CFAP61: variants seen among roughly 807,000 people sequenced by gnomAD.
CFAP61 encodes the protein cilia and flagella associated protein 61.
CFAP61 carries 107 observed loss-of-function variants against 135.6 expected under a neutral mutation model. The ratio of observed to expected loss-of-function variants is 0.79; its 90% confidence interval spans 0.67 to 0.93. CFAP61 has a LOEUF of 0.93. Ranked by LOEUF, CFAP61 falls within the 40% of genes least tolerant of loss-of-function variation. The pLI, the probability that CFAP61 is intolerant of heterozygous loss-of-function variation, is 0.00. For missense variants in CFAP61, 1,507 were observed against 1,556.2 expected, an observed-to-expected ratio of 0.97 and a Z score of 0.53; for synonymous variants, 575 against 578.5, an observed-to-expected ratio of 0.99 and a Z score of 0.09.
chr20:20,179,205 A>G (rs959833681), intron 13 of CFAP61, among the ~76,000 whole-genome samples: 3 of 152,192 alleles, frequency 2.0e-5, no homozygotes, highest in Admixed American at 6.5e-5. Flanking sequence ...TCAATGTGCA[A>G]AAATCACTAA....
At chr20:20,066,435 C>T (rs1218017842) in intron 2 of CFAP61, among the ~76,000 whole-genome samples, 1 of 152,114 alleles carries the variant, frequency 6.6e-6, no homozygotes, top group East Asian at 1.9e-4. Flanking sequence ...CCCAAATGTC[C>T]ATCAATAATA....
At chr20:20,097,674 A>G (rs1054396838) in intron 7 of CFAP61, among the ~76,000 whole-genome samples, 3 of 152,210 alleles carry the variant, frequency 2.0e-5, no homozygotes, top group African/African-American at 7.2e-5. Context: ...GACGACTGCA[A>G]GAGCTTCAGA....
At chr20:20,229,378 T>C (rs1406211146) in intron 18 of CFAP61, among the ~76,000 whole-genome samples, 1 of 152,346 alleles carries the variant, frequency 6.6e-6, no homozygotes, top group South Asian at 2.1e-4. Context: ...ACCCTGACTT[T>C]GGGAACCACA....
At chr20:20,277,570 T>C in intron 22 of CFAP61, 112 bp downstream of exon 22, 1 of 1,217,574 alleles carries the variant, frequency 8.2e-7, no homozygotes, top group Non-Finnish European at 1.1e-6. Flanking sequence ...AGATGTTGGA[T>C]TTTGTTTTCT....
chr20:20,254,451 A>G (rs1355278841), intron 20 of CFAP61, among the ~76,000 whole-genome samples: 5 of 152,020 alleles, frequency 3.3e-5, no homozygotes, highest in Admixed American at 3.3e-4. Flanking sequence ...AGCCTCGGGC[A>G]TCTGCCCATG....
At chr20:20,265,524 C>T in intron 21 of CFAP61, 2 of 779,262 alleles carry the variant, frequency 2.6e-6, no homozygotes, top group South Asian at 1.3e-5. Flanking sequence ...AAGACTGACT[C>T]CCAGCAGCCA....
chr20:20,199,762 T>TATA lies in CFAP61; in HGVS notation c.1798-6_1798-5insATA. On this transcript the variant is annotated splice_polypyrimidine_tract_variant and splice_region_variant and intron_variant, in intron 16 of 26. Transcript: ENST00000245957. ...CTCCCCTAAAATATAGATTGCTGTC[T>TATA]TTCAGTTCCAGAACCCCTACGCCCA... is the stretch of plus-strand genomic sequence containing the variant. The TATA allele has an allele frequency of 1.2e-6, 2 of 1,614,092 alleles. No homozygotes were observed. The highest frequency in any genetic ancestry group is 1.7e-6 in the Non-Finnish European group (2 of 1,179,968).
At chr20:20,332,625 T>C (rs1217806327) in intron 25 of CFAP61, among the ~76,000 whole-genome samples, 1 of 152,206 alleles carries the variant, frequency 6.6e-6, no homozygotes, top group African/African-American at 2.4e-5. Flanking sequence ...CACAGAATTC[T>C]TTTTTAAATT....
At chr20:20,080,032 G>A (rs1391815494) in intron 6 of CFAP61, among the ~76,000 whole-genome samples, 1 of 152,086 alleles carries the variant, frequency 6.6e-6, no homozygotes, top group Non-Finnish European at 1.5e-5. Flanking sequence ...CTTGTAAGTA[G>A]TGTAACAATT....
At chr20:20,335,706 A>G (rs2058161338) in intron 25 of CFAP61, among the ~76,000 whole-genome samples, 1 of 152,178 alleles carries the variant, frequency 6.6e-6, no homozygotes, top group African/African-American at 2.4e-5. Flanking sequence ...GACCTTCTCT[A>G]CCTGAAAAAA....
chr20:20,251,909 C>T (rs2050950123), intron 20 of CFAP61, 146 bp downstream of exon 20: 2 of 803,814 alleles, frequency 2.5e-6, no homozygotes, highest in East Asian at 2.6e-5. Flanking sequence ...AAGCACCCTT[C>T]AGGGCCCGCA....
chr20:20,219,395 G>C (rs1378171720), intron 17 of CFAP61, among the ~76,000 whole-genome samples: 1 of 152,110 alleles, frequency 6.6e-6, no homozygotes, highest in Non-Finnish European at 1.5e-5. Flanking sequence ...ACTCTTTGCT[G>C]TATAGTTTAA....
intron 25 of CFAP61, among the ~76,000 whole-genome samples, chr20:20,333,303 G>A (rs775420581): frequency 1.3e-5 from 2 of 152,116 alleles, no homozygotes; most frequent in African/African-American, 2.4e-5. Flanking sequence ...GTAACTCTTG[G>A]AACAAAGGAC....
chr20:20,281,899 A>G (rs1480409008), intron 22 of CFAP61, among the ~76,000 whole-genome samples: 5 of 152,174 alleles, frequency 3.3e-5, no homozygotes, highest in Non-Finnish European at 5.9e-5. Context: ...TGGAGTTTAT[A>G]TTGTTGAAAG....
intron 8 of CFAP61, among the ~76,000 whole-genome samples, chr20:20,116,392 T>C (rs1262029825): frequency 6.6e-6 from 1 of 152,218 alleles, no homozygotes; most frequent in Admixed American, 6.5e-5. Context: ...CTTTTCACTT[T>C]GTTGATTGTC....
intron 18 of CFAP61, 139 bp from the exon 19 acceptor site, chr20:20,245,978 G>C: frequency 1.6e-6 from 1 of 618,316 alleles, no homozygotes; most frequent in South Asian, 2.0e-5. Flanking sequence ...TCTATCTGAA[G>C]GTTCGTGCAA....
At chr20:20,297,838 T>G (rs2055757816) in intron 24 of CFAP61, among the ~76,000 whole-genome samples, 1 of 152,234 alleles carries the variant, frequency 6.6e-6, no homozygotes, top group African/African-American at 2.4e-5. Flanking sequence ...CAAAGAAATT[T>G]AACAGTGTTA....
At chr20:20,341,417 A>G (rs1321683869) in intron 25 of CFAP61, among the ~76,000 whole-genome samples, 4 of 152,240 alleles carry the variant, frequency 2.6e-5, no homozygotes, top group Admixed American at 1.3e-4. Context: ...TCTGGCCATT[A>G]TTAATCTAGA....
chr20:20,206,188 C>T (rs577954666), intron 17 of CFAP61, among the ~76,000 whole-genome samples: 2 of 152,312 alleles, frequency 1.3e-5, no homozygotes, highest in African/African-American at 4.8e-5. Flanking sequence ...ATCTTATCCT[C>T]ATTTTCTAGG....
Sources: gnomAD v4.1 joint callset for allele counts (sites outside exome capture counted in the v4.1 genomes callset) on GRCh38, gnomAD v4.1.1 for gene constraint, MANE v1.5 for transcripts, NCBI Gene and HGNC (gene_info 2026-07-23, HGNC 2026-07-21) for gene names.